The following GOSR2 variants were observed in gnomAD, a reference collection of about 807,000 sequenced individuals.
GOSR2 encodes the protein 27 kDa Golgi SNARE protein.
Under a neutral mutation model 27.9 loss-of-function variants are expected in GOSR2, and 20 were observed. That is an observed-to-expected ratio of 0.72 (90% confidence interval 0.50 to 1.04). GOSR2 has a LOEUF of 1.04. Among genes scored for constraint, GOSR2 ranks in the 50% least tolerant of loss-of-function variants. The pLI, the probability that GOSR2 is intolerant of heterozygous loss-of-function variation, is 0.00. For missense variants in GOSR2, 261 were observed against 270.5 expected, an observed-to-expected ratio of 0.97 and a Z score of 0.25; for synonymous variants, 91 against 98.8, an observed-to-expected ratio of 0.92 and a Z score of 0.47.
chr17:46,954,161 G>A (rs1211294545), intron 6 of GOSR2, among the ~76,000 whole-genome samples: 1 of 152,114 alleles, frequency 6.6e-6, no homozygotes, highest in Non-Finnish European at 1.5e-5. Context: ...GGGTTTTTAT[G>A]GTTTTAGGTC....
intron 6 of GOSR2, among the ~76,000 whole-genome samples, chr17:46,965,692 G>A (rs188472350): frequency 1.1e-3 from 160 of 152,164 alleles, no homozygotes; most frequent in Admixed American, 8.8e-3. Context: ...GTGTGATCAC[G>A]GCACGCTGCA....
chr17:46,947,010 C>T (rs2089961361), downstream of GOSR2, among the ~76,000 whole-genome samples: 1 of 152,122 alleles, frequency 6.6e-6, no homozygotes, highest in Non-Finnish European at 1.5e-5. Context: ...GGGACGGGGG[C>T]CAGATTCACA....
At chr17:46,929,689 T>C in intron 2 of GOSR2, 105 bp downstream of exon 2, 1 of 721,344 alleles carries the variant, frequency 1.4e-6, no homozygotes, top group Middle Eastern at 3.3e-4. Context: ...TGATTCAGCG[T>C]GGAATGAGTT....
At chr17:46,948,568 T>G (rs1340940372) in intron 6 of GOSR2, 1 of 152,264 alleles carries the variant, frequency 6.6e-6, no homozygotes, top group Non-Finnish European at 1.5e-5. Context: ...TCTCCCAGCC[T>G]CAGTGTCCTC....
At chr17:46,955,653 C>T (rs1239421699) in intron 6 of GOSR2, 1 of 152,232 alleles carries the variant, frequency 6.6e-6, no homozygotes, top group Non-Finnish European at 1.5e-5. Flanking sequence ...GGAATCCTGT[C>T]TGCTCTTCAC....
downstream of GOSR2, among the ~76,000 whole-genome samples, chr17:46,969,769 T>A (rs982814379): frequency 6.6e-6 from 1 of 152,222 alleles, no homozygotes; most frequent in African/African-American, 2.4e-5. Flanking sequence ...CTGTGGGGAC[T>A]CCCAGGCCTG....
chr17:46,924,171 A>C (rs373756105), intron 1 of GOSR2: 8 of 288,612 alleles, frequency 2.8e-5, no homozygotes, highest in South Asian at 1.7e-4. Flanking sequence ...ACTTCTCTCT[A>C]TGAGTTTACC....
At chr17:46,943,249 G>A (rs1053566265), downstream of GOSR2, among the ~76,000 whole-genome samples, 6 of 152,172 alleles carry the variant, frequency 3.9e-5, no homozygotes, top group African/African-American at 1.4e-4. Context: ...ATCAGAAGGA[G>A]CCAGATCCCT....
chr17:46,924,693 A>G (rs916990660), intron 1 of GOSR2, among the ~76,000 whole-genome samples: 1 of 152,218 alleles, frequency 6.6e-6, no homozygotes, highest in Non-Finnish European at 1.5e-5. Flanking sequence ...CTACTTTGTA[A>G]TGACAGAATT....
chr17:46,934,868 C>T (rs556214844), intron 4 of GOSR2, among the ~76,000 whole-genome samples, 161 bp from the exon 5 acceptor site: 15 of 152,192 alleles, frequency 9.9e-5, no homozygotes, highest in Middle Eastern at 3.2e-3. Flanking sequence ...AGAGGCCACC[C>T]CAGGCCTTTG....
chr17:46,951,629 G>A (rs143049920), intron 6 of GOSR2, among the ~76,000 whole-genome samples: 18 of 152,254 alleles, frequency 1.2e-4, no homozygotes, highest in Admixed American at 9.1e-4. Context: ...CATTCTTCCG[G>A]AACTTAGCAT....
In GOSR2 at chr17:46,938,674, C is replaced by T. The variant is rs771037415; in HGVS notation, c.553C>T (p.Arg185Trp). The T allele has an allele frequency of 1.3e-5, 21 of 1,614,010 alleles. No individual in the cohort carries two copies. The highest frequency in any genetic ancestry group is 2.2e-5 in the East Asian group (1 of 44,876). ...SNTVMRLIEK[R>W]AFQDKYFMIG... Reference sequence around the variant, plus strand: ...CACAGTGATGCGGCTCATCGAGAAGCGGGCTTTCCAGGACAAGTACTTTAT... The same window carrying T: ...CACAGTGATGCGGCTCATCGAGAAGTGGGCTTTCCAGGACAAGTACTTTAT... The change falls in exon 6 of 6, where the codon CGG (arginine) becomes TGG (tryptophan). Residue 185 changes from arginine (R) to tryptophan (W), a missense_variant. Coordinates refer to ENST00000640051, the MANE Select transcript of GOSR2 (RefSeq NM_004287.5).
At position 46,939,046 on chromosome 17, in the gene GOSR2, G is replaced by GCTTTGT. The variant is rs2147058392; in HGVS notation, c.*286_*287insCTTTGT. Reference sequence around the variant, plus strand: ...CTGGGGGAGGGAAAGAATGGCTTTGGTGGCTTTGTTCACATAGCTGATGCG... The same window carrying GCTTTGT: ...CTGGGGGAGGGAAAGAATGGCTTTGGCTTTGTTGGCTTTGTTCACATAGCTGATGCG... On this transcript the variant is annotated 3_prime_UTR_variant, in exon 6 of 6. Transcript: ENST00000640051. 7.9e-7 allele frequency: 1 copy of GCTTTGT among 1,266,266 alleles called. No individual in the cohort carries two copies. Among genetic ancestry groups the GCTTTGT allele is most frequent in the Non-Finnish European group, 1.0e-6 (1 of 990,644 alleles). 78.4% of individuals were successfully genotyped at this position (1,266,266 alleles called of 1,614,324 possible). A position where few individuals can be genotyped will look rare whatever the true frequency, so the allele number is the denominator to read the frequency against.
At chr17:46,973,102 A>G (rs1387924706) in intron 6 of GOSR2, 2 of 152,914 alleles carry the variant, frequency 1.3e-5, no homozygotes, top group Non-Finnish European at 3.0e-5. Flanking sequence ...AGTCCTTTTA[A>G]TTAAATGTGT....
chr17:46,958,883 T>C (rs1461966295), intron 6 of GOSR2, among the ~76,000 whole-genome samples: 1 of 152,222 alleles, frequency 6.6e-6, no homozygotes, highest in Non-Finnish European at 1.5e-5. Context: ...GGCCCCTCAG[T>C]TTCCTCTACA....
At chr17:46,943,835 G>A (rs1055671867), downstream of GOSR2, among the ~76,000 whole-genome samples, 2 of 152,242 alleles carry the variant, frequency 1.3e-5, no homozygotes, top group African/African-American at 4.8e-5. Context: ...CTCAGGACTG[G>A]GGAGAGAGAA....
At chr17:46,930,972 AT>A in intron 2 of GOSR2, 126 bp from the exon 3 acceptor site, 1 of 687,030 alleles carries the variant, frequency 1.5e-6, no homozygotes, top group Non-Finnish European at 2.6e-6. Context: ...TAGTGTATAC[AT>A]TTTTCTCCTT....
chr17:46,923,434 C>T, intron 1 of GOSR2: 1 of 1,433,310 alleles, frequency 7.0e-7, no homozygotes, highest in Non-Finnish European at 9.1e-7. Flanking sequence ...AGACGTGGGG[C>T]AGATGACTCC....
intron 5 of GOSR2, chr17:46,936,529 T>C: frequency 2.0e-6 from 2 of 985,586 alleles, no homozygotes; most frequent in Non-Finnish European, 2.4e-6. Context: ...CCTCACACCC[T>C]GCCTCCGTCG....
Sources: gnomAD v4.1 joint callset for allele counts (sites outside exome capture counted in the v4.1 genomes callset) on GRCh38, gnomAD v4.1.1 for gene constraint, MANE v1.5 for transcripts, NCBI Gene and HGNC (gene_info 2026-07-23, HGNC 2026-07-21) for gene names.